KIF7: variants seen among roughly 807,000 people sequenced by gnomAD.
The protein encoded by KIF7 is kinesin-like protein KIF7.
A neutral mutation model predicts 135.7 loss-of-function variants in KIF7; 104 were observed. The observed-to-expected ratio is 0.77, with a 90% CI of 0.65 to 0.90. The LOEUF (loss-of-function observed/expected upper bound fraction) is 0.90. Among genes scored for constraint, KIF7 ranks in the 40% least tolerant of loss-of-function variants. KIF7 has a pLI of 0.00. For missense variants in KIF7, 2,005 were observed against 1,839.1 expected, an observed-to-expected ratio of 1.09 and a Z score of -1.65; for synonymous variants, 883 against 809.4, an observed-to-expected ratio of 1.09 and a Z score of -1.54.
At position 89,630,052 on chromosome 15, in the gene KIF7, A is replaced by AGGG. The variant is rs2141995254; in HGVS notation, c.3318+234_3318+235insCCC. 6 of 586,312 alleles carry AGGG rather than the reference A, an allele frequency of 1.0e-5. No individual in the cohort carries two copies. The African/African-American group carries it at 1.1e-4, about 11-fold the overall frequency. 36.3% of individuals were successfully genotyped at this position (586,312 alleles called of 1,614,324 possible). The stretch of plus-strand genomic sequence containing the variant: ...CCTACTGAGAGCTACTATTGTGGCC[A>AGGG]TGGACCACCCTGAGGTTAGCCAATC... On this transcript the variant is annotated intron_variant, in intron 16 of 18. Coordinates refer to ENST00000394412, the MANE Select transcript of KIF7 (RefSeq NM_198525.3).
chr15:89,625,462 T>A (rs1866928), downstream of KIF7: 544,772 of 1,613,282 alleles, frequency 0.34, 93,023 homozygotes, highest in African/African-American at 0.42. Context: ...ACTGCTTGAG[T>A]CAGAGGGCAA....
At chr15:89,629,763 C>G in intron 16 of KIF7, 190 bp from the exon 17 acceptor site, 1 of 695,890 alleles carries the variant, frequency 1.4e-6, no homozygotes, top group South Asian at 1.9e-5. Context: ...ACGATCAGAG[C>G]TGGCTCTCAC....
chr15:89,649,186 G>A lies in KIF7; in HGVS notation c.711C>T (p.Arg237=), dbSNP rs1397481375. ...QRGRAPSRLP[R]PAPGQLLVSK... Reference sequence around the variant, plus strand: ...AGACGAGCAGCTGGCCCGGGGCGGGGCGGGGTAGGCGGCTGGGGGCGCGCC... The same window carrying A: ...AGACGAGCAGCTGGCCCGGGGCGGGACGGGGTAGGCGGCTGGGGGCGCGCC... The change falls in exon 4 of 19, where the codon CGC becomes CGT. Residue 237 remains arginine, a synonymous_variant. Transcript: ENST00000394412. 1 of 1,546,462 alleles carries A rather than the reference G, an allele frequency of 6.5e-7. No individual in the cohort carries two copies. Among genetic ancestry groups the A allele is most frequent in the Non-Finnish European group, 8.7e-7 (1 of 1,146,126 alleles).
At chr15:89,627,352 G>A (rs2141988728), downstream of KIF7, 1 of 423,170 alleles carries the variant, frequency 2.4e-6, no homozygotes, top group South Asian at 4.6e-5. Flanking sequence ...ACCCAGACAA[G>A]GAATCCCATT....
downstream of KIF7, chr15:89,626,195 G>A (rs28397224): frequency 4.0e-4 from 364 of 918,808 alleles, 2 homozygotes; most frequent in African/African-American, 3.8e-3. Flanking sequence ...CGCCTACAGC[G>A]TCATGTGTGC....
At chr15:89,635,012 C>A (rs1037703097) in intron 11 of KIF7, among the ~76,000 whole-genome samples, 1 of 152,224 alleles carries the variant, frequency 6.6e-6, no homozygotes, top group African/African-American at 2.4e-5. Context: ...CAAGTGGGTT[C>A]CTGACCCCTG....
In KIF7 at chr15:89,630,282, C is replaced by T. The variant is rs1963644072; in HGVS notation, c.3318+5G>A. Reference sequence around the variant, plus strand: ...GAGCTGGGGGGCCATGGGCTGCTGGCCCACCTTGTCAAAATACTTGCAGAG... The same window carrying T: ...GAGCTGGGGGGCCATGGGCTGCTGGTCCACCTTGTCAAAATACTTGCAGAG... On this transcript the variant is annotated splice_donor_5th_base_variant and intron_variant, in intron 16 of 18. Coordinates refer to ENST00000394412, the MANE Select transcript of KIF7 (RefSeq NM_198525.3). 1 of 1,613,606 alleles carries T rather than the reference C, an allele frequency of 6.2e-7. No homozygotes were observed. The highest frequency in any genetic ancestry group is 1.7e-5 in the Admixed American group (1 of 59,978).
downstream of KIF7, chr15:89,627,126 C>T: frequency 1.2e-6 from 2 of 1,611,486 alleles, no homozygotes; most frequent in Non-Finnish European, 8.5e-7. Context: ...AGGAGTCAGC[C>T]AGGACCCTGT....
At chr15:89,645,530 A>C in intron 8 of KIF7, 79 bp from the exon 9 acceptor site, 1 of 1,136,892 alleles carries the variant, frequency 8.8e-7, no homozygotes, top group Non-Finnish European at 1.3e-6. Context: ...GGAGGGAAGA[A>C]GAGAGGCCAC....
intron 1 of KIF7, chr15:89,618,211 G>GT: frequency 6.2e-7 from 1 of 1,613,890 alleles, no homozygotes; most frequent in East Asian, 2.2e-5. Flanking sequence ...AAAGGAGATG[G>GT]TGAGTGTTAT....
chr15:89,625,433 A>G, downstream of KIF7: 1 of 1,613,842 alleles, frequency 6.2e-7, no homozygotes, highest in Non-Finnish European at 8.5e-7. Flanking sequence ...GTCGGTGCAG[A>G]CCTTCCTGGG....
At chr15:89,632,013 G>C (rs1286332973) in intron 14 of KIF7, among the ~76,000 whole-genome samples, 3 of 152,222 alleles carry the variant, frequency 2.0e-5, no homozygotes, top group Non-Finnish European at 4.4e-5. Flanking sequence ...CTGTCACTGA[G>C]ATGACCGGAC....
intron 11 of KIF7, among the ~76,000 whole-genome samples, chr15:89,636,203 G>A (rs1352035841): frequency 3.3e-4 from 50 of 151,878 alleles, no homozygotes; most frequent in Admixed American, 1.6e-3. Flanking sequence ...AGGAACAACC[G>A]GTACCAGCCG....
chr15:89,623,669 C>T (rs1963460692), downstream of KIF7: 1 of 1,612,206 alleles, frequency 6.2e-7, no homozygotes, highest in African/African-American at 1.3e-5. Flanking sequence ...TCTAAAACTA[C>T]ACCAAGAAGG....
intron 16 of KIF7, 96 bp downstream of exon 16, chr15:89,630,191 G>T: frequency 8.7e-7 from 1 of 1,155,230 alleles, no homozygotes; most frequent in Non-Finnish European, 1.3e-6. Flanking sequence ...CCCCAGTCTG[G>T]GAGGAAACGG....
chr15:89,639,800 C>T (rs954058997), intron 11 of KIF7, among the ~76,000 whole-genome samples: 1 of 151,238 alleles, frequency 6.6e-6, no homozygotes, highest in Non-Finnish European at 1.5e-5. Context: ...GGGTATATAC[C>T]CAAAGGACTA....
At chr15:89,623,569 C>G, downstream of KIF7, 2 of 1,522,690 alleles carry the variant, frequency 1.3e-6, no homozygotes, top group African/African-American at 1.4e-5. Context: ...TAAAACACTT[C>G]AGAGATCATG....
At chr15:89,625,972 G>A (rs537483501), downstream of KIF7, 4 of 1,602,650 alleles carry the variant, frequency 2.5e-6, no homozygotes, top group African/African-American at 4.0e-5. Context: ...GTGCGGAGCT[G>A]CCTCTCTGCC....
chr15:89,625,016 G>C, downstream of KIF7: 1 of 1,614,058 alleles, frequency 6.2e-7, no homozygotes, highest in Non-Finnish European at 8.5e-7. Flanking sequence ...CAAGCTTCTG[G>C]CCTTCCCAAA....
Sources: allele counts gnomAD v4.1 joint callset (sites outside exome capture counted in the v4.1 genomes callset), GRCh38; gene constraint gnomAD v4.1.1; transcripts MANE v1.5; gene names NCBI Gene and HGNC (gene_info 2026-07-23, HGNC 2026-07-21).